The following KLHL1 variants were observed in gnomAD, a reference collection of about 807,000 sequenced individuals.
KLHL1 encodes kelch-like protein 1.
KLHL1 carries 47 observed loss-of-function variants against 77.7 expected under a neutral mutation model. That is an observed-to-expected ratio of 0.60 (90% CI 0.48 to 0.77). KLHL1 has a LOEUF of 0.77. KLHL1 is among the 30% of genes least tolerant of loss of function. KLHL1 has a pLI of 0.00. For missense variants in KLHL1, 925 were observed against 910.8 expected, an observed-to-expected ratio of 1.02 and a Z score of -0.20; for synonymous variants, 360 against 325.2, an observed-to-expected ratio of 1.11 and a Z score of -1.15.
chr13:69,840,193 G>T (rs1396013265), intron 5 of KLHL1, among the ~76,000 whole-genome samples: 1 of 151,914 alleles, frequency 6.6e-6, no homozygotes, highest in Non-Finnish European at 1.5e-5. Flanking sequence ...TATAAGAGGT[G>T]CCATAAAGAG....
chr13:69,819,818 A>G (rs1180119612), intron 6 of KLHL1, among the ~76,000 whole-genome samples: 2 of 152,016 alleles, frequency 1.3e-5, no homozygotes, highest in African/African-American at 4.8e-5. Context: ...GTGATAATAA[A>G]ATTTTATTAT....
chr13:69,769,087 A>T (rs1875443669), intron 7 of KLHL1, among the ~76,000 whole-genome samples: 1 of 152,210 alleles, frequency 6.6e-6, no homozygotes, highest in Non-Finnish European at 1.5e-5. Flanking sequence ...AATTATCTGT[A>T]CTATAACATA....
chr13:70,043,734 A>G (rs547239108), intron 1 of KLHL1, among the ~76,000 whole-genome samples: 1 of 152,352 alleles, frequency 6.6e-6, no homozygotes, highest in East Asian at 1.9e-4. Context: ...CATGTAGCCT[A>G]CATGTGTAGG....
intron 3 of KLHL1, among the ~76,000 whole-genome samples, chr13:69,958,703 C>G (rs998093786): frequency 3.3e-5 from 5 of 151,424 alleles, no homozygotes; most frequent in Admixed American, 2.0e-4. Context: ...AGTTGATCCT[C>G]CTTAGTTTCA....
intron 8 of KLHL1, among the ~76,000 whole-genome samples, chr13:69,730,057 T>C (rs1449774028): frequency 1.3e-5 from 2 of 152,162 alleles, no homozygotes; most frequent in Admixed American, 6.5e-5. Flanking sequence ...AGAAACTAGA[T>C]AGACAATTTA....
At chr13:70,017,566 T>A (rs1885688817) in intron 1 of KLHL1, among the ~76,000 whole-genome samples, 1 of 152,168 alleles carries the variant, frequency 6.6e-6, no homozygotes, top group African/African-American at 2.4e-5. Context: ...GGATTGCCCT[T>A]GGCAGGTGTG....
chr13:69,831,165 C>A (rs1878745566), intron 6 of KLHL1, among the ~76,000 whole-genome samples: 1 of 149,526 alleles, frequency 6.7e-6, no homozygotes, highest in Admixed American at 6.7e-5. Flanking sequence ...AAAGCTGGTT[C>A]TTTGAAAAGA....
At chr13:70,011,567 C>A (rs958228761) in intron 1 of KLHL1, among the ~76,000 whole-genome samples, 2 of 152,178 alleles carry the variant, frequency 1.3e-5, no homozygotes, top group East Asian at 3.9e-4. Context: ...AGCCATCAAC[C>A]TTGGCTATTT....
At chr13:69,955,594 T>C (rs949704853) in intron 3 of KLHL1, among the ~76,000 whole-genome samples, 1 of 151,184 alleles carries the variant, frequency 6.6e-6, no homozygotes, top group African/African-American at 2.4e-5. Flanking sequence ...TACACATCAA[T>C]GAACACAGTG....
intron 7 of KLHL1, among the ~76,000 whole-genome samples, chr13:69,767,587 A>T (rs1875369121): frequency 6.6e-6 from 1 of 152,170 alleles, no homozygotes; most frequent in Non-Finnish European, 1.5e-5. Context: ...TATAATCACT[A>T]TATCCAATCC....
chr13:69,854,860 A>G (rs367953050), intron 5 of KLHL1, among the ~76,000 whole-genome samples: 5 of 152,136 alleles, frequency 3.3e-5, no homozygotes, highest in African/African-American at 1.2e-4. Flanking sequence ...GAATTCCAAG[A>G]AAATTCTTAA....
intron 1 of KLHL1, among the ~76,000 whole-genome samples, chr13:70,051,844 C>G (rs1424058366): frequency 6.6e-6 from 1 of 151,840 alleles, no homozygotes; most frequent in African/African-American, 2.4e-5. Context: ...TAAGGAAATA[C>G]TTGATATCTA....
intron 1 of KLHL1, among the ~76,000 whole-genome samples, chr13:70,048,000 C>A (rs1379375864): frequency 6.6e-5 from 10 of 152,058 alleles, no homozygotes; most frequent in African/African-American, 2.4e-4. Context: ...GATATTTTTT[C>A]AAAGCCTAAG....
At chr13:70,089,484 A>G (rs1384121969) in intron 1 of KLHL1, among the ~76,000 whole-genome samples, 1 of 152,144 alleles carries the variant, frequency 6.6e-6, no homozygotes, top group Non-Finnish European at 1.5e-5. Flanking sequence ...ATTGGCAATG[A>G]CATCAAATAC....
Position 69,709,819 on chromosome 13 carries a change from G to A in KLHL1, c.2016-2023C>T, listed in dbSNP as rs193070919. On this transcript the variant is annotated intron_variant, in intron 9 of 10. Transcript: ENST00000377844. ...AAATTTGTGATCGTTGTTGAAGCAG[G>A]GTAATGATTATAGGGGAGTTAATTG... Among the ~76,000 whole-genome samples the A allele has an allele frequency of 2.0e-4, 31 of 151,906 alleles. No homozygotes were observed. The East Asian group carries it at 5.4e-3, about 27-fold the overall frequency.
intron 7 of KLHL1, among the ~76,000 whole-genome samples, chr13:69,776,360 C>G (rs1443045950): frequency 6.6e-6 from 1 of 152,054 alleles, no homozygotes; most frequent in Admixed American, 6.6e-5. Context: ...GCAAAACCAC[C>G]TCAAATCTGC....
chr13:69,881,730 G>A (rs1880997366), intron 5 of KLHL1, among the ~76,000 whole-genome samples: 1 of 151,204 alleles, frequency 6.6e-6, no homozygotes, highest in Non-Finnish European at 1.5e-5. Context: ...TTGGTGTCTA[G>A]AGGCTTCTTA....
intron 2 of KLHL1, 106 bp downstream of exon 2, chr13:69,975,504 CTTAAAAAAAT>C (rs71693665): frequency 0.36 from 339,187 of 931,992 alleles, 60,375 homozygotes; most frequent in East Asian, 0.42. Flanking sequence ...CAACAAAAAA[CTTAAAAAAAT>C]GTGAATCCTT....
At chr13:70,089,842 T>C (rs75520900) in intron 1 of KLHL1, among the ~76,000 whole-genome samples, 2,094 of 152,256 alleles carry the variant, frequency 0.014, 115 homozygotes, top group Admixed American at 0.1. Context: ...TTCCTACTTA[T>C]AGCTAAGACA....
Sources: allele counts gnomAD v4.1 joint callset (sites outside exome capture counted in the v4.1 genomes callset), GRCh38; gene constraint gnomAD v4.1.1; transcripts MANE v1.5; gene names NCBI Gene and HGNC (gene_info 2026-07-23, HGNC 2026-07-21).